The following SMARCA4 variants were observed in gnomAD, a reference collection of about 807,000 sequenced individuals.
SMARCA4 encodes the protein SWI/SNF-related matrix-associated actin-dependent regulator of chromatin subfamily A member 4.
Under a neutral mutation model 193.9 loss-of-function variants are expected in SMARCA4, and 31 were observed. The ratio of observed to expected loss-of-function variants is 0.16; its 90% confidence interval spans 0.12 to 0.22. The LOEUF is 0.22. Ranked by LOEUF, SMARCA4 falls within the 10% of genes least tolerant of loss-of-function variation. The probability of loss-of-function intolerance (pLI) is 1.00; values close to 1 mark genes in which losing one functional copy is unlikely to be tolerated. For synonymous variants in SMARCA4, 942 were observed against 933.1 expected, an observed-to-expected ratio of 1.01 and a Z score of -0.17; for missense variants, 1,148 against 2,296.0, an observed-to-expected ratio of 0.50 and a Z score of 10.22.
intron 11 of SMARCA4, among the ~76,000 whole-genome samples, chr19:11,002,035 A>T (rs1488880105): frequency 6.6e-6 from 1 of 152,212 alleles, no homozygotes; most frequent in Non-Finnish European, 1.5e-5. Flanking sequence ...TGTAAATTAT[A>T]TAACCGTTAG....
intron 18 of SMARCA4, chr19:11,021,200 T>G (rs1600272108): frequency 4.4e-6 from 1 of 225,068 alleles, no homozygotes. Flanking sequence ...GCAGTGGGAG[T>G]GCTCTTTGAG....
In SMARCA4 at chr19:10,986,918, C is replaced by T. The variant is rs2145795377; in HGVS notation, c.774C>T (p.Pro258=). Residue 258 remains proline (P), a synonymous_variant, in exon 5 of 35, where the codon CCC becomes CCT. Coordinates refer to ENST00000344626, the MANE Select transcript of SMARCA4 (RefSeq NM_003072.5). The surrounding 1 kb of genome is among the most constrained non-coding windows in gnomAD (Gnocchi z 6.7). ...NYSRPHGMGG[P]NMPPPGPSGV... The stretch of plus-strand genomic sequence containing the variant: ...CCCTACATGTAGGTATGGGAGGGCC[C>T]AACATGCCTCCCCCAGGACCCTCGG... 1 of 1,612,348 alleles carries T rather than the reference C, an allele frequency of 6.2e-7. No individual in the cohort carries two copies. The highest frequency in any genetic ancestry group is 8.5e-7 in the Non-Finnish European group (1 of 1,179,212).
chr19:11,041,038 C>G lies in SMARCA4; in HGVS notation c.4171-269C>G. ...TCTTTTCTGTACAGAGAAGATAGTT[C>G]TTTTTTTTTGGTCAAGAAATTCAAC... is the stretch of plus-strand genomic sequence containing the variant. On this transcript the variant is annotated intron_variant, in intron 29 of 34. Coordinates refer to ENST00000344626, the MANE Select transcript of SMARCA4 (RefSeq NM_003072.5). This position sits in a 1 kb window ranked among gnomAD's most constrained non-coding sequence, Gnocchi z 5.6. 2 of 492,964 alleles carry G rather than the reference C, an allele frequency of 4.1e-6. No homozygotes were observed. The highest frequency in any genetic ancestry group is 7.2e-6 in the Non-Finnish European group (2 of 277,796). The allele number at this position is 492,964 out of a possible 1,614,324, so 30.5% of individuals were successfully genotyped here.
chr19:11,024,248 A>C, intron 20 of SMARCA4, 83 bp from the exon 21 acceptor site: 4 of 910,422 alleles, frequency 4.4e-6, no homozygotes, highest in Non-Finnish European at 7.4e-6. Flanking sequence ...GACAGGGCCG[A>C]GGGGGTCAGA....
At position 11,021,865 on chromosome 19, in the gene SMARCA4, C is replaced by A. The variant is rs113955216; in HGVS notation, c.2757C>A (p.Pro919=). 1 of 1,613,788 alleles carries A rather than the reference C, an allele frequency of 6.2e-7. No homozygotes were observed. The highest frequency in any genetic ancestry group is 1.1e-5 in the South Asian group (1 of 91,088). The change falls in exon 19 of 35, where the codon CCC becomes CCA. Residue 919 remains proline, a synonymous_variant. Coordinates refer to ENST00000344626, the MANE Select transcript of SMARCA4 (RefSeq NM_003072.5). ...LTGTPLQNKL[P]ELWALLNFLL... ...GCACACCGCTGCAGAACAAGCTTCC[C>A]GAGCTCTGGGCGCTGCTCAACTTCC...
chr19:10,985,023 A>G lies in SMARCA4; in HGVS notation c.223-250A>G, dbSNP rs2085893473. On this transcript the variant is annotated intron_variant, in intron 2 of 34. Transcript: ENST00000344626. This position sits in a 1 kb window ranked among gnomAD's most constrained non-coding sequence, Gnocchi z 4.5. ...CACAGGAGGTCCCGGGTGGTAGAAG[A>G]TGAGGATTGCTTGACCACAGTCTCC... Among the ~76,000 whole-genome samples, 1 of 152,172 alleles carries G rather than the reference A, an allele frequency of 6.6e-6. No individual in the cohort carries two copies. Among genetic ancestry groups the G allele is most frequent in the South Asian group, 2.1e-4 (1 of 4,826 alleles).
At chr19:10,980,327 T>C (rs2145665477) in intron 1 of SMARCA4, among the ~76,000 whole-genome samples, 1 of 152,278 alleles carries the variant, frequency 6.6e-6, no homozygotes, top group East Asian at 1.9e-4. Flanking sequence ...CTTGCCTTAT[T>C]CGGGCACAAA....
Position 11,010,491 on chromosome 19 carries a change from A to T in SMARCA4, c.2234A>T (p.Gln745Leu), listed in dbSNP as rs2146237778. ...AHAVTERVDK[Q>L]SALMVNGVLK... ...GCTGTCACTGAGAGAGTGGACAAGC[A>T]GTCAGCGCTTATGGTCAATGGTGTC... The change falls in exon 15 of 35, where the codon CAG (glutamine) becomes CTG (leucine). Residue 745 changes from glutamine (Q) to leucine (L), a missense_variant. By Grantham distance (113) the Gln-to-Leu change is moderately radical. Transcript: ENST00000344626. 1 of 1,614,132 alleles carries T rather than the reference A, an allele frequency of 6.2e-7. No individual in the cohort carries two copies. Among genetic ancestry groups the T allele is most frequent in the Non-Finnish European group, 8.5e-7 (1 of 1,180,016 alleles).
chr19:11,052,519 G>C (rs2076317191), intron 30 of SMARCA4, among the ~76,000 whole-genome samples: 1 of 152,112 alleles, frequency 6.6e-6, no homozygotes, highest in Non-Finnish European at 1.5e-5. Context: ...CTGAGCCAAC[G>C]GCCCCTACAA....
Position 11,034,874 on chromosome 19 carries a change from T to C in SMARCA4, c.3952-40T>C, listed in dbSNP as rs2146693773. ...CTGGCTCTAGCGTGCCCCTGGTGCC[T>C]GCATGCTGATGCCTCTCCCGTTGCC... On this transcript the variant is annotated intron_variant, in intron 28 of 34. Transcript: ENST00000344626. The surrounding 1 kb of genome is among the most constrained non-coding windows in gnomAD (Gnocchi z 7.0). 1 of 1,393,712 alleles carries C rather than the reference T, an allele frequency of 7.2e-7. No individual in the cohort carries two copies. The highest frequency in any genetic ancestry group is 2.5e-5 in the East Asian group (1 of 40,250). The allele number at this position is 1,393,712 out of a possible 1,614,324, so 86.3% of individuals were successfully genotyped here. A position where few individuals can be genotyped will look rare whatever the true frequency, so the allele number is the denominator to read the frequency against.
At chr19:11,051,248 G>A (rs1309735632) in intron 30 of SMARCA4, among the ~76,000 whole-genome samples, 3 of 152,186 alleles carry the variant, frequency 2.0e-5, no homozygotes, top group African/African-American at 7.2e-5. Flanking sequence ...AAGGCAACTG[G>A]TTTAGAAGAA....
intron 21 of SMARCA4, among the ~76,000 whole-genome samples, 159 bp from the exon 22 acceptor site, chr19:11,025,263 C>T (rs1199314777): frequency 6.6e-6 from 1 of 152,130 alleles, no homozygotes; most frequent in Non-Finnish European, 1.5e-5. Flanking sequence ...CTCCGGGCCT[C>T]CAGCCTGCCA....
intron 1 of SMARCA4, among the ~76,000 whole-genome samples, chr19:10,967,050 C>G (rs1268022941): frequency 6.6e-6 from 1 of 152,192 alleles, no homozygotes; most frequent in Non-Finnish European, 1.5e-5. Context: ...ATAGCGGACT[C>G]ATTAGTATGC....
intron 24 of SMARCA4, among the ~76,000 whole-genome samples, chr19:11,029,010 C>T (rs1378827197): frequency 6.6e-6 from 1 of 152,200 alleles, no homozygotes; most frequent in East Asian, 1.9e-4. Flanking sequence ...TGCCCAGGTG[C>T]CACCCGGAGT....
chr19:10,989,814 GC>G (rs2086399805), intron 7 of SMARCA4, among the ~76,000 whole-genome samples: 1 of 150,316 alleles, frequency 6.7e-6, no homozygotes, highest in African/African-American at 2.5e-5. Flanking sequence ...CAATTCTTCT[GC>G]TTCAGCCTCC....
In SMARCA4 at chr19:11,033,247, C is replaced by T. The variant is rs769027318; in HGVS notation, c.3547-43C>T. Reference sequence around the variant, plus strand: ...TCAGAGGCCACCTTCCCTTTTATGACCTCCTGGGCTCCTTTGGGACTGACT... The same window carrying T: ...TCAGAGGCCACCTTCCCTTTTATGATCTCCTGGGCTCCTTTGGGACTGACT... On this transcript the variant is annotated intron_variant, in intron 25 of 34. Coordinates refer to ENST00000344626, the MANE Select transcript of SMARCA4 (RefSeq NM_003072.5). The surrounding 1 kb of genome is among the most constrained non-coding windows in gnomAD (Gnocchi z 9.8). 2.0e-6 allele frequency: 3 copies of T among 1,488,174 alleles called. No homozygotes were observed. Among genetic ancestry groups the T allele is most frequent in the Non-Finnish European group, 1.9e-6 (2 of 1,067,008 alleles). The allele number at this position is 1,488,174 out of a possible 1,614,324, so 92.2% of individuals were successfully genotyped here. A position where few individuals can be genotyped will look rare whatever the true frequency, so the allele number is the denominator to read the frequency against.
chr19:11,029,574 CCTGAG>C (rs2146575045), intron 24 of SMARCA4, among the ~76,000 whole-genome samples: 1 of 152,356 alleles, frequency 6.6e-6, no homozygotes, highest in South Asian at 2.1e-4. Context: ...ACATCTGGTG[CCTGAG>C]AGAGGGTGGG....
At position 11,030,161 on chromosome 19, in the gene SMARCA4, TC is replaced by T. The variant is rs1385292806; in HGVS notation, c.3383-567del. On this transcript the variant is annotated intron_variant, in intron 24 of 34. Coordinates refer to ENST00000344626, the MANE Select transcript of SMARCA4 (RefSeq NM_003072.5). This position sits in a 1 kb window ranked among gnomAD's most constrained non-coding sequence, Gnocchi z 5.5. ...GTTTTCTGGGGCATGGGGACACTGATCCTGCCAGAAAGGACACGAGCCCCCT... is the reference window on the plus strand; with the variant it reads ...GTTTTCTGGGGCATGGGGACACTGATCTGCCAGAAAGGACACGAGCCCCCT... Among the ~76,000 whole-genome samples, 1 of 152,196 alleles carries T rather than the reference TC, an allele frequency of 6.6e-6. No homozygotes were observed. The highest frequency in any genetic ancestry group is 1.5e-5 in the Non-Finnish European group (1 of 68,024).
intron 30 of SMARCA4, among the ~76,000 whole-genome samples, chr19:11,042,915 C>A (rs990622032): frequency 1.3e-5 from 2 of 152,158 alleles, no homozygotes; most frequent in Admixed American, 6.5e-5. Context: ...GTGGAGGTTG[C>A]TGTGGACCAA....
Sources: gnomAD v4.1 joint callset for allele counts (sites outside exome capture counted in the v4.1 genomes callset) on GRCh38, gnomAD v4.1.1 for gene constraint, Gnocchi (gnomAD v3.1) non-coding constraint, MANE v1.5 for transcripts, NCBI Gene and HGNC (gene_info 2026-07-23, HGNC 2026-07-21) for gene names.